Variants in GBF1 observed in about 807,000 individuals in gnomAD.
The protein encoded by GBF1 is Golgi-specific brefeldin A-resistance guanine nucleotide exchange factor 1.
In GBF1, 114 loss-of-function variants were observed where a neutral mutation model predicts 210.5. The observed-to-expected ratio is 0.54, with a 90% CI of 0.47 to 0.63. The LOEUF (loss-of-function observed/expected upper bound fraction) is 0.63. Among genes scored for constraint, GBF1 ranks in the 30% least tolerant of loss-of-function variants. GBF1 has a pLI of 0.00. For missense variants in GBF1, 1,851 were observed against 2,357.7 expected, an observed-to-expected ratio of 0.79 and a Z score of 4.45; for synonymous variants, 850 against 889.2, an observed-to-expected ratio of 0.96 and a Z score of 0.78.
At chr10:102,376,517 AG>A (rs2060503859) in intron 31 of GBF1, 42 bp from the exon 32 acceptor site, 1 of 1,612,254 alleles carries the variant, frequency 6.2e-7, no homozygotes. Flanking sequence ...ACATTCACAC[AG>A]GGGCCAAGCC....
At chr10:102,349,526 ACT>A (rs2058793876) in intron 4 of GBF1, among the ~76,000 whole-genome samples, 4 of 152,108 alleles carry the variant, frequency 2.6e-5, no homozygotes, top group Admixed American at 6.6e-5. Context: ...ACAGAGTGAG[ACT>A]CTGTCTCAAT....
At position 102,380,314 on chromosome 10, in the gene GBF1, C is replaced by T. The variant is rs1268474568; in HGVS notation, c.4944C>T (p.Ile1648=). Residue 1648 remains isoleucine (I), a synonymous_variant, in exon 37 of 40, where the codon ATC becomes ATT. Coordinates refer to ENST00000369983, the MANE Select transcript of GBF1 (RefSeq NM_001377137.1). ...LSTFAALWLT[I]LDFMDKYMHA... Reference sequence around the variant, plus strand: ...CCTTTGCGGCCCTCTGGCTCACCATCTTGGACTTCATGGACAAGTACATGC... The same window carrying T: ...CCTTTGCGGCCCTCTGGCTCACCATTTTGGACTTCATGGACAAGTACATGC... 40 of 1,613,996 alleles carry T rather than the reference C, an allele frequency of 2.5e-5. No individual in the cohort carries two copies. The highest frequency in any genetic ancestry group is 3.4e-5 in the Non-Finnish European group (40 of 1,179,980).
At chr10:102,310,229 CAG>C (rs1356113412) in intron 3 of GBF1, among the ~76,000 whole-genome samples, 1 of 152,272 alleles carries the variant, frequency 6.6e-6, no homozygotes, top group East Asian at 1.9e-4. Flanking sequence ...AGAATCTTGA[CAG>C]AGTGGGAAAA....
chr10:102,353,605 C>G lies in GBF1; in HGVS notation c.590C>G (p.Pro197Arg). 6.2e-7 allele frequency: 1 copy of G among 1,601,292 alleles called. No individual in the cohort carries two copies. Among genetic ancestry groups the G allele is most frequent in the Non-Finnish European group, 8.6e-7 (1 of 1,168,430 alleles). ...ATGGATTTTCTATCTTATAGGTTAC[C>G]TCAGTTTAAAGAAGAACCCAAGAAC... is the stretch of plus-strand genomic sequence containing the variant. ...DMVQLLFTRL[P>R]QFKEEPKNYV... Residue 197 changes from proline (P) to arginine (R), a missense_variant, in exon 8 of 40, where the codon CCT becomes CGT. Transcript: ENST00000369983.
chr10:102,376,769 C>G lies in GBF1; in HGVS notation c.4257C>G (p.Leu1419=). 1.9e-6 allele frequency: 3 copies of G among 1,609,338 alleles called. No homozygotes were observed. The highest frequency in any genetic ancestry group is 2.5e-6 in the Non-Finnish European group (3 of 1,179,984). Residue 1419 remains leucine, a synonymous_variant, in exon 32 of 40, where the codon CTC becomes CTG. Coordinates refer to ENST00000369983, the MANE Select transcript of GBF1 (RefSeq NM_001377137.1). Reference sequence around the variant, plus strand: ...ACTTTGAGCTCTGCGTCAAGACTCTCCGGATCTTTGTGGAGGCCAGTCTGA... The same window carrying G: ...ACTTTGAGCTCTGCGTCAAGACTCTGCGGATCTTTGTGGAGGCCAGTCTGA... ...PDNFELCVKT[L]RIFVEASLNG...
At chr10:102,356,548 G>A (rs901680397) in intron 8 of GBF1, among the ~76,000 whole-genome samples, 2 of 152,006 alleles carry the variant, frequency 1.3e-5, no homozygotes, top group South Asian at 2.1e-4. Context: ...GGCGGATCAC[G>A]AGGTCAGGAG....
intron 3 of GBF1, among the ~76,000 whole-genome samples, chr10:102,279,977 A>G (rs1346094885): frequency 6.6e-6 from 1 of 152,074 alleles, no homozygotes; most frequent in Non-Finnish European, 1.5e-5. Flanking sequence ...TGTTTTAATT[A>G]GCCAGGCATG....
chr10:102,377,957 T>A (rs1241394223), intron 33 of GBF1, among the ~76,000 whole-genome samples: 2 of 152,114 alleles, frequency 1.3e-5, no homozygotes, highest in Non-Finnish European at 2.9e-5. Flanking sequence ...TGGTGGCTCC[T>A]GCCTGTAATC....
At chr10:102,242,744 C>T (rs1365599126), upstream of GBF1, among the ~76,000 whole-genome samples, 1 of 151,954 alleles carries the variant, frequency 6.6e-6, no homozygotes, top group Non-Finnish European at 1.5e-5. Flanking sequence ...CTGGCTAACA[C>T]GGTGAAACCC....
intron 29 of GBF1, 124 bp from the exon 30 acceptor site, chr10:102,375,235 A>C: frequency 1.5e-6 from 1 of 646,988 alleles, no homozygotes; most frequent in East Asian, 2.6e-5. Context: ...CAGTATCCTA[A>C]ATTGGGTCCT....
chr10:102,316,004 G>T (rs2078896563), intron 3 of GBF1, among the ~76,000 whole-genome samples: 1 of 151,434 alleles, frequency 6.6e-6, no homozygotes, highest in African/African-American at 2.4e-5. Context: ...AGTACTATTA[G>T]TGCTATATCC....
intron 3 of GBF1, among the ~76,000 whole-genome samples, chr10:102,314,434 A>G (rs2078758776): frequency 6.6e-6 from 1 of 152,142 alleles, no homozygotes; most frequent in South Asian, 2.1e-4. Context: ...GGTATGAGCC[A>G]CCGCACCCAG....
In GBF1 at chr10:102,376,408, T is replaced by C. The variant is rs145272973; in HGVS notation, c.4023T>C (p.Asp1341=). 1.9e-3 allele frequency: 3,021 copies of C among 1,614,110 alleles called. 6 individuals are homozygous for C. Among genetic ancestry groups the C allele is most frequent in the Admixed American group, 3.8e-3 (231 of 60,014 alleles). The change falls in exon 31 of 40, where the codon GAT becomes GAC. Residue 1341 remains aspartate, a synonymous_variant. Transcript: ENST00000369983. ...TACACCGATCAGCCACAGATGCCGA[T>C]GTGGTCAACAGTGGTTGGTTAGTGG... ...GKIHRSATDA[D]VVNSGWLVVG... is the part of the protein sequence containing the mutation.
the GBF1 span, chr10:102,231,908 C>T: frequency 6.4e-7 from 1 of 1,562,476 alleles, no homozygotes; most frequent in South Asian, 1.1e-5. Flanking sequence ...GGGGTCCCAC[C>T]CGCACTGGGG....
At chr10:102,238,288 A>G in the GBF1 span, among the ~76,000 whole-genome samples, 1 of 152,210 alleles carries the variant, frequency 6.6e-6, no homozygotes, top group Admixed American at 6.5e-5. Context: ...ATGGAGAAGA[A>G]AAGATTCTAC....
At chr10:102,327,454 A>G (rs980003827) in intron 3 of GBF1, among the ~76,000 whole-genome samples, 4 of 152,198 alleles carry the variant, frequency 2.6e-5, no homozygotes, top group African/African-American at 9.7e-5. Flanking sequence ...CTTTTATAGG[A>G]ATGTATACAG....
chr10:102,353,218 T>A (rs1331968129), intron 7 of GBF1, among the ~76,000 whole-genome samples: 1 of 152,180 alleles, frequency 6.6e-6, no homozygotes, highest in Non-Finnish European at 1.5e-5. Flanking sequence ...TTTCAAAACT[T>A]CAACCTGCCT....
At chr10:102,268,407 C>A (rs2074081185) in intron 3 of GBF1, among the ~76,000 whole-genome samples, 9 of 152,176 alleles carry the variant, frequency 5.9e-5, no homozygotes, top group Admixed American at 3.3e-4. Context: ...AACCTAATTT[C>A]TTTGTAGCAA....
Position 102,361,705 on chromosome 10 carries a change from G to C in GBF1, c.1492-13G>C. 2 of 1,534,530 alleles carry C rather than the reference G, an allele frequency of 1.3e-6. No individual in the cohort carries two copies. Among genetic ancestry groups the C allele is most frequent in the Non-Finnish European group, 1.8e-6 (2 of 1,135,296 alleles). ...TTTCCCCACCCAAATGGCAATTACT[G>C]GGTTATTGCCAGATGTACATCAAAA... is the stretch of plus-strand genomic sequence containing the variant. On this transcript the variant is annotated splice_polypyrimidine_tract_variant and intron_variant, in intron 13 of 39. Transcript: ENST00000369983.
Sources: allele counts gnomAD v4.1 joint callset (sites outside exome capture counted in the v4.1 genomes callset), GRCh38; gene constraint gnomAD v4.1.1; transcripts MANE v1.5; gene names NCBI Gene and HGNC (gene_info 2026-07-23, HGNC 2026-07-21).